Variants in TSPAN13 observed in about 807,000 individuals in gnomAD.
TSPAN13 encodes tetraspanin 13, also known as tetraspanin-13.
In TSPAN13, 18 loss-of-function variants were observed where a neutral mutation model predicts 26.9. The observed-to-expected ratio is 0.67, with a 90% CI of 0.46 to 0.99. TSPAN13 has a LOEUF of 0.99. Among genes scored for constraint, TSPAN13 ranks in the 50% least tolerant of loss-of-function variants. The pLI, the probability that TSPAN13 is intolerant of heterozygous loss-of-function variation, is 0.00. For synonymous variants in TSPAN13, 116 were observed against 98.4 expected, an observed-to-expected ratio of 1.18 and a Z score of -1.06; for missense variants, 201 against 249.6, an observed-to-expected ratio of 0.81 and a Z score of 1.31.
chr7:16,764,346 A>G (rs1489881998), intron 1 of TSPAN13, among the ~76,000 whole-genome samples: 2 of 152,072 alleles, frequency 1.3e-5, no homozygotes, highest in Non-Finnish European at 2.9e-5. Flanking sequence ...CTTTAATACC[A>G]TTATTGTATG....
intron 1 of TSPAN13, among the ~76,000 whole-genome samples, chr7:16,771,051 T>G (rs377495423): frequency 1.3e-5 from 2 of 152,224 alleles, no homozygotes; most frequent in South Asian, 4.1e-4. Flanking sequence ...TTCCACTTCC[T>G]AGCTCTGCTA....
chr7:16,771,344 CCA>C (rs1784677786), intron 1 of TSPAN13, among the ~76,000 whole-genome samples: 1 of 152,174 alleles, frequency 6.6e-6, no homozygotes, highest in South Asian at 2.1e-4. Flanking sequence ...GGCTAAATAA[CCA>C]CACACTCCAA....
At position 16,755,611 on chromosome 7, in the gene TSPAN13, G is replaced by T. The variant is rs532847763; in HGVS notation, c.63+1581G>T. Among the ~76,000 whole-genome samples, 7 of 148,736 alleles carry T rather than the reference G, an allele frequency of 4.7e-5. No individual in the cohort carries two copies. The East Asian group carries it at 1.4e-3, about 29-fold the overall frequency. ...CTTTAAATTCCTTATTTTGTGACCT[G>T]AGTTCTGTTTTTTTTCTGCCAATGA... On this transcript the variant is annotated intron_variant, in intron 1 of 5. Coordinates refer to ENST00000262067, the MANE Select transcript of TSPAN13 (RefSeq NM_014399.4).
At chr7:16,769,595 A>C (rs563098637) in intron 1 of TSPAN13, among the ~76,000 whole-genome samples, 1 of 152,280 alleles carries the variant, frequency 6.6e-6, no homozygotes, top group South Asian at 2.1e-4. Context: ...TTTTTGGTGC[A>C]TCAGCATGTT....
intron 1 of TSPAN13, among the ~76,000 whole-genome samples, chr7:16,771,686 A>C (rs1784681301): frequency 6.6e-6 from 1 of 152,234 alleles, no homozygotes; most frequent in Admixed American, 6.5e-5. Flanking sequence ...TTTCAGGAGT[A>C]CAACCTGACC....
At chr7:16,755,458 C>A (rs1291802260) in intron 1 of TSPAN13, among the ~76,000 whole-genome samples, 2 of 151,612 alleles carry the variant, frequency 1.3e-5, no homozygotes, top group East Asian at 3.9e-4. Flanking sequence ...TGTCAAGTTT[C>A]AGATCAAAAT....
chr7:16,770,724 A>G (rs1784664614), intron 1 of TSPAN13, among the ~76,000 whole-genome samples: 1 of 151,816 alleles, frequency 6.6e-6, no homozygotes, highest in African/African-American at 2.4e-5. Flanking sequence ...TGGGATTTGG[A>G]AGGGTCCCTC....
intron 1 of TSPAN13, among the ~76,000 whole-genome samples, chr7:16,761,893 T>G (rs1784545105): frequency 6.6e-6 from 1 of 151,920 alleles, no homozygotes; most frequent in Admixed American, 6.6e-5. Context: ...GTATAGTCCT[T>G]CTGTATCTTA....
intron 5 of TSPAN13, 63 bp downstream of exon 5, chr7:16,779,179 G>A (rs1009369386): frequency 8.1e-7 from 1 of 1,229,770 alleles, no homozygotes; most frequent in Non-Finnish European, 1.2e-6. Flanking sequence ...GCATGACAAA[G>A]GGCCTTGATT....
intron 1 of TSPAN13, among the ~76,000 whole-genome samples, chr7:16,758,751 C>CT (rs35793839): frequency 0.36 from 52,521 of 146,792 alleles, 9,376 homozygotes; most frequent in Admixed American, 0.39. Context: ...TTGTAATACC[C>CT]TTTTTTTTTT....
chr7:16,779,379 C>A (rs1425128335), intron 5 of TSPAN13, among the ~76,000 whole-genome samples: 1 of 151,952 alleles, frequency 6.6e-6, no homozygotes, highest in African/African-American at 2.4e-5. Flanking sequence ...TCTCTAGGGT[C>A]TCTTCTATTT....
intron 1 of TSPAN13, among the ~76,000 whole-genome samples, chr7:16,763,129 A>G (rs971230822): frequency 2.6e-5 from 4 of 152,196 alleles, no homozygotes; most frequent in Non-Finnish European, 5.9e-5. Flanking sequence ...ATGTTTGTAG[A>G]AAAAAGATGG....
chr7:16,773,128 A>G (rs1784700129), intron 1 of TSPAN13, among the ~76,000 whole-genome samples: 1 of 148,362 alleles, frequency 6.7e-6, no homozygotes, highest in South Asian at 2.1e-4. Flanking sequence ...GGGGGAGATT[A>G]TTGTTCTATA....
At chr7:16,773,128 ATTG>A (rs1784700153) in intron 1 of TSPAN13, among the ~76,000 whole-genome samples, 1 of 148,362 alleles carries the variant, frequency 6.7e-6, no homozygotes, top group African/African-American at 2.5e-5. Context: ...GGGGGAGATT[ATTG>A]TTCTATACTC....
At chr7:16,760,975 C>T (rs1273475088) in intron 1 of TSPAN13, among the ~76,000 whole-genome samples, 1 of 152,180 alleles carries the variant, frequency 6.6e-6, no homozygotes, top group Non-Finnish European at 1.5e-5. Flanking sequence ...ATGCAGGAAT[C>T]AGTACAGGGT....
In TSPAN13 at chr7:16,783,499, A is replaced by G. The variant is rs1282489061; in HGVS notation, c.*8A>G. The G allele has an allele frequency of 6.2e-7, 1 of 1,611,614 alleles. No individual in the cohort carries two copies. Among genetic ancestry groups the G allele is most frequent in the Admixed American group, 1.7e-5 (1 of 59,970 alleles). On this transcript the variant is annotated 3_prime_UTR_variant, in exon 6 of 6. Coordinates refer to ENST00000262067, the MANE Select transcript of TSPAN13 (RefSeq NM_014399.4). ...CCTAGTGCATTCCTTTGATGAGAAA[A>G]CAAGGAAGATTTCCTTTCGTATTAT...
At chr7:16,763,598 G>A (rs190659928) in intron 1 of TSPAN13, among the ~76,000 whole-genome samples, 17 of 152,304 alleles carry the variant, frequency 1.1e-4, no homozygotes, top group Admixed American at 2.6e-4. Flanking sequence ...CTTATACCTT[G>A]CTAGGTCAGA....
chr7:16,770,294 C>G (rs1048860004), intron 1 of TSPAN13, among the ~76,000 whole-genome samples: 1 of 152,014 alleles, frequency 6.6e-6, no homozygotes, highest in Non-Finnish European at 1.5e-5. Context: ...CAGCCTCTGC[C>G]TCTCGGGTTC....
chr7:16,771,775 C>A (rs911468388), intron 1 of TSPAN13, among the ~76,000 whole-genome samples: 1 of 152,084 alleles, frequency 6.6e-6, no homozygotes, highest in Non-Finnish European at 1.5e-5. Flanking sequence ...GCAAAAGCAG[C>A]GATAGGAAAC....
Sources: allele counts gnomAD v4.1 joint callset (sites outside exome capture counted in the v4.1 genomes callset), GRCh38; gene constraint gnomAD v4.1.1; transcripts MANE v1.5; gene names NCBI Gene and HGNC (gene_info 2026-07-23, HGNC 2026-07-21).